The following NFKBIA variants were observed in gnomAD, a reference collection of about 807,000 sequenced individuals.
The protein encoded by NFKBIA is NFKB inhibitor alpha.
In NFKBIA, 10 loss-of-function variants were observed where a neutral mutation model predicts 36.3. That is an observed-to-expected ratio of 0.28 (90% CI 0.17 to 0.47). The LOEUF (loss-of-function observed/expected upper bound fraction) is 0.47, where lower values mean the gene tolerates loss of function less well. NFKBIA is among the 20% of genes least tolerant of loss of function. NFKBIA has a pLI of 0.99. For missense variants in NFKBIA, 355 were observed against 399.3 expected (o/e 0.89, Z 0.94); for synonymous variants, 205 against 164.4 (o/e 1.25, Z -1.89).
chr14:35,401,935 CTTTTTTCTTT>C lies in NFKBIA; in HGVS notation c.*68_*77del. The stretch of plus-strand genomic sequence containing the variant: ...AAGTACACCCTTTAAATTTTTTCTT[CTTTTTTCTTT>C]TTTTAGAAAAATAAAACTTTTTTTT... On this transcript the variant is annotated 3_prime_UTR_variant, in exon 6 of 6. Coordinates refer to ENST00000216797, the MANE Select transcript of NFKBIA (RefSeq NM_020529.3). The C allele has an allele frequency of 6.5e-7, 1 of 1,547,550 alleles. No homozygotes were observed. The highest frequency in any genetic ancestry group is 8.9e-7 in the Non-Finnish European group (1 of 1,126,916).
At position 35,403,683 on chromosome 14, in the gene NFKBIA, G is replaced by C. The variant is rs775994528; in HGVS notation, c.336+7C>G. 5 of 1,605,368 alleles carry C rather than the reference G, an allele frequency of 3.1e-6. No homozygotes were observed. Among genetic ancestry groups the C allele is most frequent in the Non-Finnish European group, 1.7e-6 (2 of 1,172,868 alleles). On this transcript the variant is annotated splice_region_variant and intron_variant, in intron 2 of 5. Transcript: ENST00000216797. ...CAGAGAGAACCCGGGCCAGGCAAGC[G>C]GCGCACCTGCTGCAGGTTGTTCTGG... is the stretch of plus-strand genomic sequence containing the variant.
chr14:35,403,470 G>T, intron 2 of NFKBIA, 110 bp from the exon 3 acceptor site: 2 of 1,239,228 alleles, frequency 1.6e-6, no homozygotes, highest in South Asian at 1.3e-5. Context: ...AGACAGGGGG[G>T]TGGGGAGGGC....
intron 2 of NFKBIA, 68 bp from the exon 3 acceptor site, chr14:35,403,428 C>T (rs1003151098): frequency 2.6e-6 from 4 of 1,542,372 alleles, no homozygotes; most frequent in Non-Finnish European, 3.6e-6. Flanking sequence ...TTCCCCTCAA[C>T]CCGTGTCTCC....
intron 1 of NFKBIA, 66 bp from the exon 2 acceptor site, chr14:35,403,864 G>T: frequency 8.4e-7 from 1 of 1,188,938 alleles, no homozygotes; most frequent in Non-Finnish European, 1.2e-6. Flanking sequence ...AGGGAGGCGC[G>T]GGCTGCGGGG....
intron 3 of NFKBIA, 92 bp from the exon 4 acceptor site, chr14:35,402,951 G>C: frequency 1.5e-6 from 2 of 1,361,926 alleles, no homozygotes; most frequent in Non-Finnish European, 2.1e-6. Context: ...CTTATCTTCT[G>C]AATTTTAAGA....
At chr14:35,404,159 G>C (rs978080063) in intron 1 of NFKBIA, 17 of 337,888 alleles carry the variant, frequency 5.0e-5, no homozygotes, top group Admixed American at 1.0e-4. Flanking sequence ...CTAGAGGACG[G>C]GTCTGGGGGG....
rs2138834626 is a variant in NFKBIA, at chr14:35,404,707, T to C, written c.-63A>G. ...GGGCCGCGGGCTGCGCGCTGCTTCC[T>C]CGCTGGGGCGCTGGCGGGCGGGACG... On this transcript the variant is annotated 5_prime_UTR_variant, in exon 1 of 6. Transcript: ENST00000216797. 7 of 1,185,240 alleles carry C rather than the reference T, an allele frequency of 5.9e-6. No individual in the cohort carries two copies. The South Asian group carries it at 1.7e-4, about 28-fold the overall frequency. The allele number at this position is 1,185,240 out of a possible 1,614,324, so 73.4% of individuals were successfully genotyped here.
At position 35,404,490 on chromosome 14, in the gene NFKBIA, A is replaced by T; in HGVS notation, c.155T>A (p.Ile52Asn). ...YEQMVKELQE[I>N]RLEPQEVPRG... ...CGGCACCTCCTGCGGCTCGAGGCGG[A>T]TCTCCTGCAGCTCCTTGACCATCTG... Residue 52 changes from isoleucine to asparagine, a missense_variant, in exon 1 of 6, where the codon ATC (isoleucine) becomes AAC (asparagine). Coordinates refer to ENST00000216797, the MANE Select transcript of NFKBIA (RefSeq NM_020529.3). The T allele has an allele frequency of 6.2e-7, 1 of 1,601,360 alleles. No individual in the cohort carries two copies. Among genetic ancestry groups the T allele is most frequent in the South Asian group, 1.1e-5 (1 of 89,688 alleles).
At position 35,403,805 on chromosome 14, in the gene NFKBIA, G is replaced by C. The variant is rs1314072794; in HGVS notation, c.228-7C>G. On this transcript the variant is annotated splice_region_variant and splice_polypyrimidine_tract_variant and intron_variant, in intron 1 of 5. Transcript: ENST00000216797. ...GATGGCCAAGTGCAGGAACCTGTGG[G>C]GAAGAGAGGGAAAAACCCCAGGGGT... 2.5e-6 allele frequency: 4 copies of C among 1,606,854 alleles called. No individual in the cohort carries two copies. In the South Asian group the frequency reaches 4.4e-5, roughly 18 times the overall value.
intron 1 of NFKBIA, 103 bp from the exon 2 acceptor site, chr14:35,403,901 G>A (rs1178649708): frequency 2.4e-6 from 2 of 826,426 alleles, no homozygotes; most frequent in East Asian, 5.2e-5. Flanking sequence ...GGTTTCTGGA[G>A]GCCGAGGCCG....
chr14:35,402,700 A>G, intron 4 of NFKBIA, 37 bp from the exon 5 acceptor site: 3 of 1,614,222 alleles, frequency 1.9e-6, no homozygotes, highest in Non-Finnish European at 1.7e-6. Context: ...TTATGGCTGC[A>G]TTTGGAATTT....
Position 35,404,667 on chromosome 14 carries a change from T to C in NFKBIA, c.-23A>G, listed in dbSNP as rs2052771986. On this transcript the variant is annotated 5_prime_UTR_variant, in exon 1 of 6. Transcript: ENST00000216797. ...CATGGCGCGGACGAGCTGCGGGCGC[T>C]GCTGCGGGTGCGCTGGGCCGCGGGC... 2 of 1,438,332 alleles carry C rather than the reference T, an allele frequency of 1.4e-6. No individual in the cohort carries two copies. Among genetic ancestry groups the C allele is most frequent in the African/African-American group, 1.5e-5 (1 of 67,474 alleles). The allele number at this position is 1,438,332 out of a possible 1,614,324, so 89.1% of individuals were successfully genotyped here.
chr14:35,403,158 T>G lies in NFKBIA; in HGVS notation c.539A>C (p.Asn180Thr), dbSNP rs376763952. Residue 180 changes from asparagine to threonine, a missense_variant, in exon 3 of 6, where the codon AAC becomes ACC. Physicochemically the swap from Asn to Thr is moderately conservative, Grantham distance 65. Coordinates refer to ENST00000216797, the MANE Select transcript of NFKBIA (RefSeq NM_020529.3). ...PHLHSILKAT[N>T]YNGHTCLHLA... ...CAGGGAGGCAGACATACCATTGTAG[T>G]TGGTAGCCTTCAGGATGGAGTGGAG... 42 of 1,611,056 alleles carry G rather than the reference T, an allele frequency of 2.6e-5. No individual in the cohort carries two copies. Among genetic ancestry groups the G allele is most frequent in the South Asian group, 1.3e-4 (12 of 90,962 alleles).
chr14:35,404,253 G>T, intron 1 of NFKBIA, 165 bp downstream of exon 1: 1 of 406,548 alleles, frequency 2.5e-6, no homozygotes, highest in Non-Finnish European at 4.0e-6. Context: ...CGGCCCTGCA[G>T]CCCTGCAGCG....
At chr14:35,402,173 C>A in intron 5 of NFKBIA, 113 bp from the exon 6 acceptor site, 2 of 1,347,714 alleles carry the variant, frequency 1.5e-6, no homozygotes, top group Non-Finnish European at 1.1e-6. Flanking sequence ...TCTCCATAGC[C>A]CAAATATAAT....
In NFKBIA at chr14:35,402,824, A is replaced by G. The variant is rs761632092; in HGVS notation, c.583T>C (p.Tyr195His). 6.2e-7 allele frequency: 1 copy of G among 1,614,244 alleles called. No individual in the cohort carries two copies. Among genetic ancestry groups the G allele is most frequent in the Non-Finnish European group, 8.5e-7 (1 of 1,180,038 alleles). ...TCLHLASIHG[Y>H]LGIVELLVSL... ...ACCAAAAGCTCCACGATGCCCAGGTAGCCATGGATAGAGGCTAAGTGTAGA... is the reference window on the plus strand; with the variant it reads ...ACCAAAAGCTCCACGATGCCCAGGTGGCCATGGATAGAGGCTAAGTGTAGA... Residue 195 changes from tyrosine to histidine, a missense_variant, in exon 4 of 6, where the codon TAC (tyrosine) becomes CAC (histidine). Physicochemically the swap from Tyr to His is moderately conservative, Grantham distance 83 (BLOSUM62 2). Transcript: ENST00000216797.
intron 2 of NFKBIA, 61 bp downstream of exon 2, chr14:35,403,629 A>C: frequency 8.3e-7 from 1 of 1,209,676 alleles, no homozygotes; most frequent in Non-Finnish European, 1.2e-6. Context: ...ATCTGGGGTG[A>C]CTCTGCTACA....
At chr14:35,402,360 T>A (rs2052737490) in intron 5 of NFKBIA, 34 bp downstream of exon 5, 1 of 1,613,186 alleles carries the variant, frequency 6.2e-7, no homozygotes, top group Admixed American at 1.7e-5. Flanking sequence ...TGGCACCTCA[T>A]TAGTTAGAGC....
At chr14:35,402,250 ATTCTTGG>A in intron 5 of NFKBIA, 137 bp downstream of exon 5, 2 of 1,297,328 alleles carry the variant, frequency 1.5e-6, no homozygotes, top group Admixed American at 3.4e-5. Context: ...GGGCAGGTAC[ATTCTTGG>A]GATACTGGTT....
Sources: allele counts gnomAD v4.1 joint callset, GRCh38; gene constraint gnomAD v4.1.1; transcripts MANE v1.5; gene names NCBI Gene and HGNC (gene_info 2026-07-23, HGNC 2026-07-21).